The following SSH2 variants were observed in gnomAD, a reference collection of about 807,000 sequenced individuals.
SSH2 encodes the protein protein phosphatase Slingshot homolog 2.
A neutral mutation model predicts 135.2 loss-of-function variants in SSH2; 37 were observed. The ratio of observed to expected loss-of-function variants is 0.27; its 90% CI spans 0.21 to 0.36. SSH2 has a LOEUF of 0.36. SSH2 is among the 10% of genes least tolerant of loss of function. The pLI is 1.00. For synonymous variants in SSH2, 628 were observed against 646.2 expected, an observed-to-expected ratio of 0.97 and a Z score of 0.43; for missense variants, 1,408 against 1,765.3, an observed-to-expected ratio of 0.80 and a Z score of 3.63.
At chr17:29,712,302 T>C (rs1299779789) in intron 3 of SSH2, among the ~76,000 whole-genome samples, 1 of 152,218 alleles carries the variant, frequency 6.6e-6, no homozygotes, top group Non-Finnish European at 1.5e-5. Context: ...TTTAAAAAAC[T>C]TAGTAGCTAT....
rs372472218 is a variant in SSH2 at position 29,706,168 on chromosome 17, T to C, written c.189-3106A>G. 2.6e-5 allele frequency among the ~76,000 whole-genome samples: 4 copies of C among 152,234 alleles called. No individual in the cohort carries two copies. The East Asian group carries it at 7.7e-4, about 29-fold the overall frequency. ...TCACATGTAAAAGTAATAAATTATATAACTCAATATATGTGGCAGATTAAT... is the reference window on the plus strand; with the variant it reads ...TCACATGTAAAAGTAATAAATTATACAACTCAATATATGTGGCAGATTAAT... On this transcript the variant is annotated intron_variant, in intron 3 of 15. Coordinates refer to ENST00000540801, the MANE Select transcript of SSH2 (RefSeq NM_001282129.2).
intron 3 of SSH2, among the ~76,000 whole-genome samples, chr17:29,742,591 T>C (rs895890927): frequency 3.2e-4 from 47 of 149,202 alleles, no homozygotes; most frequent in African/African-American, 1.2e-3. Context: ...GCCTTAGTCT[T>C]CCAAAGTGCT....
chr17:29,654,658 A>G (rs1220608960), intron 12 of SSH2, among the ~76,000 whole-genome samples: 2 of 152,236 alleles, frequency 1.3e-5, no homozygotes, highest in African/African-American at 4.8e-5. Flanking sequence ...GAAACTTAGT[A>G]GGCATCAGCT....
intron 3 of SSH2, among the ~76,000 whole-genome samples, chr17:29,783,488 C>T (rs994112860): frequency 1.3e-5 from 2 of 151,868 alleles, no homozygotes; most frequent in Non-Finnish European, 2.9e-5. Flanking sequence ...AGGACGCATC[C>T]AGCATGGGAG....
chr17:29,906,327 T>C (rs952109223), intron 1 of SSH2, among the ~76,000 whole-genome samples: 10 of 152,288 alleles, frequency 6.6e-5, no homozygotes, highest in African/African-American at 2.2e-4. Context: ...AAATTGAAAT[T>C]GGACCCCTTC....
Position 29,913,431 on chromosome 17 carries a change from C to T in SSH2, c.63+16507G>A, listed in dbSNP as rs2066824040. Among the ~76,000 whole-genome samples, 5 of 124,182 alleles carry T rather than the reference C, an allele frequency of 4.0e-5. No homozygotes were observed. In the South Asian group the frequency reaches 1.4e-3, roughly 36 times the overall value. The allele number at this position is 124,182 out of a possible 152,430, so 81.5% of individuals were successfully genotyped here. A position where few individuals can be genotyped will look rare whatever the true frequency, so the allele number is the denominator to read the frequency against. The stretch of plus-strand genomic sequence containing the variant: ...TAAAGGGCTTTTACACTAGCAAAAG[C>T]TCTCCTGAAACTGCCCAAGAGGTAA... On this transcript the variant is annotated intron_variant, in intron 1 of 15. Transcript: ENST00000540801.
intron 2 of SSH2, among the ~76,000 whole-genome samples, chr17:29,812,848 C>A (rs999016566): frequency 6.6e-6 from 1 of 151,662 alleles, no homozygotes; most frequent in Non-Finnish European, 1.5e-5. Flanking sequence ...GGGATCACAC[C>A]ACTGCACTCC....
chr17:29,648,809 C>A (rs898957334), intron 13 of SSH2, among the ~76,000 whole-genome samples: 5 of 152,062 alleles, frequency 3.3e-5, no homozygotes, highest in African/African-American at 1.2e-4. Flanking sequence ...CCAGCCTGGC[C>A]AACATGGTGA....
intron 1 of SSH2, among the ~76,000 whole-genome samples, chr17:29,877,315 G>A (rs2066052283): frequency 6.6e-6 from 1 of 152,138 alleles, no homozygotes; most frequent in African/African-American, 2.4e-5. Flanking sequence ...ACAGTTTGGA[G>A]GTTTCTCAAA....
At chr17:29,748,949 G>T (rs989772813) in intron 3 of SSH2, among the ~76,000 whole-genome samples, 2 of 152,102 alleles carry the variant, frequency 1.3e-5, no homozygotes, top group African/African-American at 4.8e-5. Context: ...ACGCAAAAAG[G>T]GTGTAGTTCA....
At chr17:29,688,798 T>G (rs923698777) in intron 5 of SSH2, among the ~76,000 whole-genome samples, 2 of 152,188 alleles carry the variant, frequency 1.3e-5, no homozygotes, top group African/African-American at 2.4e-5. Flanking sequence ...ATTAGAAGGA[T>G]GAGATAAAAA....
Position 29,630,684 on chromosome 17 carries a change from C to T in SSH2, c.*157G>A, listed in dbSNP as rs2035626020. The T allele has an allele frequency of 3.0e-6, 2 of 657,896 alleles. No homozygotes were observed. The highest frequency in any genetic ancestry group is 1.8e-5 in the African/African-American group (1 of 54,930). The allele number at this position is 657,896 out of a possible 1,614,324, so 40.8% of individuals were successfully genotyped here. On this transcript the variant is annotated 3_prime_UTR_variant, in exon 16 of 16. Coordinates refer to ENST00000540801, the MANE Select transcript of SSH2 (RefSeq NM_001282129.2). ...CTCTTTCCCCTTACATATACACACA[C>T]ATACACACTGAAAAACACCCAAACC...
chr17:29,655,571 G>T lies in SSH2; in HGVS notation c.1069C>A (p.Gln357Lys), dbSNP rs1345266240. 6.2e-7 allele frequency: 1 copy of T among 1,614,124 alleles called. No individual in the cohort carries two copies. The stretch of plus-strand genomic sequence containing the variant: ...GCTTTGTGTGCTTACCCTCGGTTCT[G>T]TAAGTCCTCTAAGTTGGAGGCATTC... Reference protein sequence around the residue: ...EWNASNLEDLQNRGVRYILNV... With the variant: ...EWNASNLEDLKNRGVRYILNV... Residue 357 changes from glutamine (Q) to lysine (K), a missense_variant, in exon 12 of 16, where the codon CAG becomes AAG. Gln to Lys is a moderately conservative substitution (Grantham distance 53). Around this residue, in one of 3 missense-constraint regions of SSH2, gnomAD observed 106 missense variants for 265.2 expected, o/e 0.40. Transcript: ENST00000540801.
At chr17:29,749,607 C>T (rs1027809768) in intron 3 of SSH2, among the ~76,000 whole-genome samples, 14 of 152,140 alleles carry the variant, frequency 9.2e-5, no homozygotes, top group Non-Finnish European at 1.8e-4. Context: ...GGAAGTTGCT[C>T]TGGGTGAGTC....
At chr17:29,709,658 C>T (rs2039365356) in intron 3 of SSH2, among the ~76,000 whole-genome samples, 2 of 151,986 alleles carry the variant, frequency 1.3e-5, no homozygotes, top group South Asian at 4.1e-4. Flanking sequence ...GCCTGGGAAA[C>T]AGAGCGAAAC....
chr17:29,794,289 C>G (rs1317481985), intron 2 of SSH2, among the ~76,000 whole-genome samples: 1 of 152,134 alleles, frequency 6.6e-6, no homozygotes, highest in Non-Finnish European at 1.5e-5. Context: ...ACCAATAAAT[C>G]TCATCAATAT....
chr17:29,837,927 C>T (rs1226375872), intron 2 of SSH2, among the ~76,000 whole-genome samples: 1 of 152,260 alleles, frequency 6.6e-6, no homozygotes, highest in African/African-American at 2.4e-5. Context: ...ACTGCAGCTG[C>T]ACAAGCTCTG....
chr17:29,663,481 T>C (rs893890626), intron 11 of SSH2, among the ~76,000 whole-genome samples: 1 of 152,364 alleles, frequency 6.6e-6, no homozygotes, highest in African/African-American at 2.4e-5. Flanking sequence ...GGAACAAGTA[T>C]AATAAGATGT....
chr17:29,689,469 C>A (rs2038372343), intron 5 of SSH2, among the ~76,000 whole-genome samples: 1 of 152,180 alleles, frequency 6.6e-6, no homozygotes, highest in African/African-American at 2.4e-5. Context: ...TTTGATTTAT[C>A]AACTAAAGTT....
Sources: allele counts gnomAD v4.1 joint callset (sites outside exome capture counted in the v4.1 genomes callset), GRCh38; gene constraint gnomAD v4.1.1; regional missense constraint gnomAD v4.1.1; transcripts MANE v1.5; gene names NCBI Gene and HGNC (gene_info 2026-07-23, HGNC 2026-07-21).